CNTNAP2: variants seen among roughly 807,000 people sequenced by gnomAD.
The protein encoded by CNTNAP2 is contactin associated protein 2.
CNTNAP2 carries 98 observed loss-of-function variants against 155.2 expected under a neutral mutation model. That is an observed-to-expected ratio of 0.63 (90% CI 0.54 to 0.75). The LOEUF (loss-of-function observed/expected upper bound fraction) is 0.75, where lower values mean the gene tolerates loss of function less well. Ranked by LOEUF, CNTNAP2 falls within the 30% of genes least tolerant of loss-of-function variation. The pLI is 0.00. For missense variants in CNTNAP2, 1,727 were observed against 1,688.1 expected (o/e 1.02, Z -0.40); for synonymous variants, 651 against 631.2 (o/e 1.03, Z -0.47).
At position 147,301,394 on chromosome 7, in the gene CNTNAP2, TATTAG is replaced by T. The variant is rs954210066; in HGVS notation, c.1498+1109_1498+1113del. 1.2e-3 allele frequency among the ~76,000 whole-genome samples: 176 copies of T among 152,324 alleles called. 1 individual carries two copies. The highest frequency in any genetic ancestry group is 4.1e-3 in the African/African-American group (169 of 41,580). ...ACTTTGTTTAGATCAATACATCTTT[TATTAG>T]ATTATTGTGTTTCCTGTCCTAAATC... On this transcript the variant is annotated intron_variant, in intron 9 of 23. Coordinates refer to ENST00000361727, the MANE Select transcript of CNTNAP2 (RefSeq NM_014141.6).
At chr7:146,721,891 T>A (rs78357921) in intron 1 of CNTNAP2, among the ~76,000 whole-genome samples, 71,669 of 80,196 alleles carry the variant, frequency 0.89, 32,074 homozygotes, top group Middle Eastern at 0.93. Context: ...ATATATATAT[T>A]TTTTTTTTTT....
intron 13 of CNTNAP2, among the ~76,000 whole-genome samples, chr7:147,657,338 C>T (rs1357578489): frequency 6.6e-6 from 1 of 152,132 alleles, no homozygotes; most frequent in East Asian, 1.9e-4. Context: ...TAATGTCATA[C>T]AGCTGAAACC....
At chr7:146,119,850 G>A (rs550515149) in intron 1 of CNTNAP2, among the ~76,000 whole-genome samples, 13 of 151,600 alleles carry the variant, frequency 8.6e-5, no homozygotes, top group Admixed American at 3.3e-4. Context: ...GATTTTATAC[G>A]TGTATATATA....
At chr7:147,988,049 A>T (rs1349459897) in intron 15 of CNTNAP2, among the ~76,000 whole-genome samples, 1 of 152,200 alleles carries the variant, frequency 6.6e-6, no homozygotes, top group Non-Finnish European at 1.5e-5. Flanking sequence ...TTTAAGAAAT[A>T]CGTTGGTTTG....
intron 13 of CNTNAP2, among the ~76,000 whole-genome samples, chr7:147,785,028 C>G (rs1317395889): frequency 6.6e-6 from 1 of 151,966 alleles, no homozygotes; most frequent in Non-Finnish European, 1.5e-5. Context: ...TTTATATTTG[C>G]AAATATAACA....
At chr7:146,616,287 G>A (rs1799222567) in intron 1 of CNTNAP2, among the ~76,000 whole-genome samples, 1 of 152,116 alleles carries the variant, frequency 6.6e-6, no homozygotes, top group Non-Finnish European at 1.5e-5. Flanking sequence ...CTTTTGAAAC[G>A]ACTTGCTGGA....
In CNTNAP2 at chr7:148,181,741, C is replaced by CTTTTTT. The variant is rs71527884; in HGVS notation, c.3010+9292_3010+9297dup. Among the ~76,000 whole-genome samples the CTTTTTT allele has an allele frequency of 6.0e-3, 290 of 48,672 alleles. 49 individuals are homozygous for CTTTTTT. Among genetic ancestry groups the CTTTTTT allele is most frequent in the East Asian group, 0.015 (20 of 1,368 alleles). The allele number at this position is 48,672 out of a possible 152,430, so 31.9% of individuals were successfully genotyped here. A position where few individuals can be genotyped will look rare whatever the true frequency, so the allele number is the denominator to read the frequency against. On this transcript the variant is annotated intron_variant, in intron 18 of 23. Transcript: ENST00000361727. ...ATAACTTTTGTTTCAAGTGTGTGCC[C>CTTTTTT]TTTTTTTTTTTTTTTTTTTTTTTTT...
intron 3 of CNTNAP2, among the ~76,000 whole-genome samples, chr7:147,027,344 C>T (rs1251654297): frequency 6.6e-6 from 1 of 152,286 alleles, no homozygotes; most frequent in African/African-American, 2.4e-5. Context: ...AAATCAGAAG[C>T]TGTATAACCA....
At chr7:147,819,517 G>A (rs1798329087) in intron 13 of CNTNAP2, among the ~76,000 whole-genome samples, 1 of 151,922 alleles carries the variant, frequency 6.6e-6, no homozygotes, top group African/African-American at 2.4e-5. Context: ...TATACCTTAA[G>A]ATATTATATT....
At chr7:147,978,164 CAGG>C (rs1173526163) in intron 15 of CNTNAP2, 175 bp downstream of exon 15, 2 of 832,966 alleles carry the variant, frequency 2.4e-6, no homozygotes, top group African/African-American at 3.4e-5. Context: ...GCCTCCAGTA[CAGG>C]AGCCGAGATT....
chr7:146,961,145 A>G (rs1797550872), intron 3 of CNTNAP2, among the ~76,000 whole-genome samples: 1 of 152,158 alleles, frequency 6.6e-6, no homozygotes, highest in Non-Finnish European at 1.5e-5. Context: ...TTCATTTTCC[A>G]CTTGACATAA....
At chr7:147,578,231 A>T (rs947424528) in intron 12 of CNTNAP2, among the ~76,000 whole-genome samples, 1 of 152,136 alleles carries the variant, frequency 6.6e-6, no homozygotes, top group Non-Finnish European at 1.5e-5. Context: ...TCAGCTAATT[A>T]AAAGAGATGA....
intron 2 of CNTNAP2, among the ~76,000 whole-genome samples, chr7:146,795,023 G>C (rs1277611450): frequency 1.3e-5 from 2 of 152,086 alleles, no homozygotes; most frequent in Non-Finnish European, 2.9e-5. Flanking sequence ...GAAAGCAGGG[G>C]CACCCATTGC....
chr7:147,663,821 C>T (rs980908528), intron 13 of CNTNAP2, among the ~76,000 whole-genome samples: 1 of 152,122 alleles, frequency 6.6e-6, no homozygotes, highest in African/African-American at 2.4e-5. Context: ...ATTAATATAT[C>T]CACCACCTAA....
chr7:146,780,633 C>T (rs986126892), intron 2 of CNTNAP2, among the ~76,000 whole-genome samples: 21 of 151,980 alleles, frequency 1.4e-4, no homozygotes, highest in Non-Finnish European at 2.6e-4. Context: ...AAATGGCCAC[C>T]AATGATGGAC....
At chr7:146,573,876 A>T (rs1387353271) in intron 1 of CNTNAP2, among the ~76,000 whole-genome samples, 1 of 152,194 alleles carries the variant, frequency 6.6e-6, no homozygotes, top group Non-Finnish European at 1.5e-5. Context: ...TAGGATTGTT[A>T]AGTGGATTAA....
intron 21 of CNTNAP2, among the ~76,000 whole-genome samples, chr7:148,346,362 T>TGATTAC (rs1798326069): frequency 6.6e-6 from 1 of 152,256 alleles, no homozygotes; most frequent in African/African-American, 2.4e-5. Flanking sequence ...AAGAAAATTA[T>TGATTAC]GATTACCCGT....
At chr7:147,173,067 G>T (rs1476262004) in intron 8 of CNTNAP2, among the ~76,000 whole-genome samples, 1 of 152,074 alleles carries the variant, frequency 6.6e-6, no homozygotes, top group Non-Finnish European at 1.5e-5. Flanking sequence ...AGATACACAA[G>T]AAAACACAAC....
intron 16 of CNTNAP2, among the ~76,000 whole-genome samples, chr7:148,137,515 A>C (rs1214296240): frequency 6.6e-6 from 1 of 152,178 alleles, no homozygotes; most frequent in Non-Finnish European, 1.5e-5. Flanking sequence ...CAAAAGAATT[A>C]GCCAGATGTG....
Sources: allele counts gnomAD v4.1 joint callset (sites outside exome capture counted in the v4.1 genomes callset), GRCh38; gene constraint gnomAD v4.1.1; transcripts MANE v1.5; gene names NCBI Gene and HGNC (gene_info 2026-07-23, HGNC 2026-07-21).